Variants in BCKDHB observed in about 807,000 individuals in gnomAD.
BCKDHB encodes 2-oxoisovalerate dehydrogenase subunit beta, mitochondrial.
In BCKDHB, 41 loss-of-function variants were observed where a neutral mutation model predicts 48.5. The observed-to-expected ratio is 0.85, with a 90% CI of 0.66 to 1.10. The LOEUF is 1.10. Among genes scored for constraint, BCKDHB ranks in the 50% least tolerant of loss-of-function variants. The probability of loss-of-function intolerance (pLI) is 0.00; values close to 1 mark genes in which losing one functional copy is unlikely to be tolerated. For missense variants in BCKDHB, 496 were observed against 494.2 expected, an observed-to-expected ratio of 1.00 and a Z score of -0.03; for synonymous variants, 201 against 174.8, an observed-to-expected ratio of 1.15 and a Z score of -1.18.
intron 9 of BCKDHB, among the ~76,000 whole-genome samples, chr6:80,276,273 G>A (rs909117377): frequency 6.6e-4 from 100 of 151,992 alleles, no homozygotes; most frequent in African/African-American, 2.3e-3. Flanking sequence ...AAGAGAATGA[G>A]TATTAATAGT....
At chr6:80,304,990 A>G (rs1434033762) in intron 9 of BCKDHB, among the ~76,000 whole-genome samples, 1 of 152,160 alleles carries the variant, frequency 6.6e-6, no homozygotes, top group East Asian at 1.9e-4. Flanking sequence ...ATCAGAAACC[A>G]TGAAACCTAC....
At position 80,297,451 on chromosome 6, in the gene BCKDHB, G is replaced by A. The variant is rs920095234; in HGVS notation, c.1038+24230G>A. 7.9e-5 allele frequency among the ~76,000 whole-genome samples: 12 copies of A among 151,638 alleles called. 1 individual carries two copies. The South Asian group carries it at 1.7e-3, about 21-fold the overall frequency. On this transcript the variant is annotated intron_variant, in intron 9 of 9. Transcript: ENST00000320393. Reference sequence around the variant, plus strand: ...CAAAGTTTTTTCATATATAAACATCGCACACACACACACCATGTACAAATA... The same window carrying A: ...CAAAGTTTTTTCATATATAAACATCACACACACACACACCATGTACAAATA...
the BCKDHB span, among the ~76,000 whole-genome samples, chr6:80,374,754 G>A: frequency 6.6e-6 from 1 of 152,144 alleles, no homozygotes; most frequent in South Asian, 2.1e-4. Context: ...CCTGTGAGAT[G>A]TACGCTTTAA....
intron 6 of BCKDHB, among the ~76,000 whole-genome samples, chr6:80,176,105 T>C (rs985063212): frequency 6.6e-6 from 1 of 152,188 alleles, no homozygotes; most frequent in Non-Finnish European, 1.5e-5. Flanking sequence ...AGGCCTGGAT[T>C]AGCAGAAGGA....
intron 9 of BCKDHB, among the ~76,000 whole-genome samples, chr6:80,319,825 G>C (rs1768625050): frequency 6.6e-6 from 1 of 152,120 alleles, no homozygotes; most frequent in Non-Finnish European, 1.5e-5. Context: ...AAATAAAAGT[G>C]AAGTTCAAAG....
chr6:80,184,457 G>A (rs532761038), intron 6 of BCKDHB, among the ~76,000 whole-genome samples: 40 of 152,200 alleles, frequency 2.6e-4, no homozygotes, highest in African/African-American at 8.9e-4. Context: ...ATTGAGATGT[G>A]AGGTACTGTT....
At chr6:80,220,898 C>T (rs1026950418) in intron 8 of BCKDHB, among the ~76,000 whole-genome samples, 2 of 151,856 alleles carry the variant, frequency 1.3e-5, no homozygotes, top group Non-Finnish European at 2.9e-5. Flanking sequence ...CCATGCCTGG[C>T]TACTTTTTGT....
intron 3 of BCKDHB, among the ~76,000 whole-genome samples, chr6:80,158,352 T>C (rs1772152289): frequency 6.6e-6 from 1 of 152,160 alleles, no homozygotes; most frequent in Non-Finnish European, 1.5e-5. Context: ...TGCCTTGGAG[T>C]GTTCAGAATA....
At chr6:80,397,565 A>T in the BCKDHB span, among the ~76,000 whole-genome samples, 6 of 152,260 alleles carry the variant, frequency 3.9e-5, no homozygotes, top group South Asian at 1.0e-3. Context: ...TCTGCTTTTT[A>T]AAAAAATTAA....
intron 6 of BCKDHB, among the ~76,000 whole-genome samples, chr6:80,195,730 T>C (rs186350670): frequency 6.3e-4 from 96 of 152,224 alleles, no homozygotes; most frequent in African/African-American, 2.3e-3. Context: ...TTGTCAGAGA[T>C]GACCAAACTC....
the BCKDHB span, among the ~76,000 whole-genome samples, chr6:80,392,644 T>G: frequency 6.6e-6 from 1 of 151,818 alleles, no homozygotes; most frequent in Non-Finnish European, 1.5e-5. Flanking sequence ...AAATTGATTT[T>G]CTTGTAATTT....
chr6:80,403,432 G>A, the BCKDHB span, among the ~76,000 whole-genome samples: 9 of 151,728 alleles, frequency 5.9e-5, no homozygotes, highest in African/African-American at 4.8e-5. Context: ...TGTTGATTTT[G>A]TATTCTGCAA....
the BCKDHB span, among the ~76,000 whole-genome samples, chr6:80,357,029 C>A: frequency 0.071 from 10,322 of 145,252 alleles, 372 homozygotes; most frequent in East Asian, 0.12. Context: ...ATACTAGTGC[C>A]CTTTTAAAGT....
chr6:80,257,433 C>CATATATAT (rs58367109), intron 8 of BCKDHB, among the ~76,000 whole-genome samples: 3 of 146,810 alleles, frequency 2.0e-5, no homozygotes, highest in Admixed American at 6.8e-5. Context: ...CTTAAAGATA[C>CATATATAT]ATATATATAT....
At chr6:80,160,192 T>C (rs117849252) in intron 3 of BCKDHB, among the ~76,000 whole-genome samples, 3,302 of 152,286 alleles carry the variant, frequency 0.022, 63 homozygotes, top group Non-Finnish European at 0.034. Context: ...TTTCTCATTC[T>C]GTCTCCCAGG....
At chr6:80,203,562 G>A (rs1446867157) in intron 8 of BCKDHB, among the ~76,000 whole-genome samples, 5 of 152,006 alleles carry the variant, frequency 3.3e-5, no homozygotes, top group African/African-American at 9.7e-5. Context: ...CAGTAAGCTA[G>A]GTTTAATTTA....
intron 7 of BCKDHB, among the ~76,000 whole-genome samples, chr6:80,201,307 CAT>C (rs1038724987): frequency 2.2e-4 from 34 of 152,172 alleles, no homozygotes; most frequent in Non-Finnish European, 4.1e-4. Flanking sequence ...CATCACCACA[CAT>C]AGTTACTATT....
the BCKDHB span, among the ~76,000 whole-genome samples, chr6:80,378,430 G>A: frequency 6.6e-6 from 1 of 151,894 alleles, no homozygotes; most frequent in African/African-American, 2.4e-5. Flanking sequence ...TTTTATGGCT[G>A]AACAGTATTC....
chr6:80,342,229 A>G (rs1040523586), intron 9 of BCKDHB, among the ~76,000 whole-genome samples: 4 of 152,140 alleles, frequency 2.6e-5, no homozygotes, highest in African/African-American at 9.7e-5. Flanking sequence ...ATTTTGCTCA[A>G]ATTAAAATGT....
Sources: gnomAD v4.1 joint callset for allele counts (sites outside exome capture counted in the v4.1 genomes callset) on GRCh38, gnomAD v4.1.1 for gene constraint, MANE v1.5 for transcripts, NCBI Gene and HGNC (gene_info 2026-07-23, HGNC 2026-07-21) for gene names.